CSTPP1: variants seen among roughly 807,000 people sequenced by gnomAD.
The protein encoded by CSTPP1 is centriolar satellite-associated tubulin polyglutamylase complex regulator 1.
chr11:46,969,374 C>T, the CSTPP1 span, among the ~76,000 whole-genome samples: 1 of 152,094 alleles, frequency 6.6e-6, no homozygotes, highest in Non-Finnish European at 1.5e-5. Flanking sequence ...GATATAGAAA[C>T]ATTATAAATG....
chr11:46,952,623 A>G, the CSTPP1 span, among the ~76,000 whole-genome samples: 1 of 152,210 alleles, frequency 6.6e-6, no homozygotes, highest in Non-Finnish European at 1.5e-5. Flanking sequence ...CTCTTGAAGT[A>G]CAAAGTTATT....
At chr11:47,039,270 G>A in the CSTPP1 span, among the ~76,000 whole-genome samples, 2 of 128,076 alleles carry the variant, frequency 1.6e-5, 1 homozygote, top group Non-Finnish European at 3.7e-5. Flanking sequence ...GGATGCCGAG[G>A]CTGGCGGATC....
At chr11:47,092,163 G>A in the CSTPP1 span, among the ~76,000 whole-genome samples, 1 of 152,076 alleles carries the variant, frequency 6.6e-6, no homozygotes, top group Non-Finnish European at 1.5e-5. Flanking sequence ...TAAAAGCATT[G>A]TTTCAGATAA....
chr11:46,974,266 G>A, the CSTPP1 span, among the ~76,000 whole-genome samples: 19 of 152,102 alleles, frequency 1.2e-4, no homozygotes, highest in Admixed American at 9.8e-4. Flanking sequence ...AGTGGCTCAC[G>A]CCTGTAATCC....
At chr11:46,941,434 G>A in the CSTPP1 span, among the ~76,000 whole-genome samples, 8 of 152,110 alleles carry the variant, frequency 5.3e-5, no homozygotes, top group Non-Finnish European at 7.3e-5. Context: ...CCGCCTCCAG[G>A]GTTCAAGTGA....
At chr11:47,016,987 C>A in the CSTPP1 span, among the ~76,000 whole-genome samples, 1 of 148,744 alleles carries the variant, frequency 6.7e-6, no homozygotes, top group African/African-American at 2.5e-5. Context: ...GAACTACAGG[C>A]GCCCACCACC....
chr11:46,999,060 G>C, the CSTPP1 span, among the ~76,000 whole-genome samples: 1 of 151,880 alleles, frequency 6.6e-6, no homozygotes, highest in Admixed American at 6.6e-5. Flanking sequence ...GTTTTGTATT[G>C]ATTAATAAGA....
chr11:47,122,326 T>C, the CSTPP1 span, among the ~76,000 whole-genome samples: 1 of 151,674 alleles, frequency 6.6e-6, no homozygotes, highest in African/African-American at 2.4e-5. Flanking sequence ...ATGATGATCT[T>C]TTCATCATGG....
the CSTPP1 span, among the ~76,000 whole-genome samples, chr11:46,961,389 T>G: frequency 1.3e-5 from 2 of 152,188 alleles, no homozygotes; most frequent in Non-Finnish European, 2.9e-5. Flanking sequence ...TACTCAAATC[T>G]TTTGCCTCTT....
chr11:47,038,634 AC>A, the CSTPP1 span, among the ~76,000 whole-genome samples: 1 of 97,032 alleles, frequency 1.0e-5, no homozygotes, highest in Non-Finnish European at 2.4e-5. Context: ...CGGGGGTCTG[AC>A]CCCCCCACCT....
chr11:46,981,020 A>C, the CSTPP1 span, among the ~76,000 whole-genome samples: 1 of 152,184 alleles, frequency 6.6e-6, no homozygotes, highest in Non-Finnish European at 1.5e-5. Context: ...GTAAACATGA[A>C]GATATCCTGT....
At chr11:46,940,682 T>A in the CSTPP1 span, among the ~76,000 whole-genome samples, 1 of 152,070 alleles carries the variant, frequency 6.6e-6, no homozygotes, top group African/African-American at 2.4e-5. Flanking sequence ...GACATATATA[T>A]AGAGAGAGAG....
chr11:47,000,828 T>C, the CSTPP1 span, among the ~76,000 whole-genome samples: 1 of 152,218 alleles, frequency 6.6e-6, no homozygotes, highest in African/African-American at 2.4e-5. Flanking sequence ...AAGCACTGTG[T>C]GCTAGGCACT....
At chr11:47,024,506 A>G in the CSTPP1 span, among the ~76,000 whole-genome samples, 9 of 152,296 alleles carry the variant, frequency 5.9e-5, no homozygotes, top group East Asian at 1.7e-3. Context: ...AATCAATCAC[A>G]AAAGAATATT....
the CSTPP1 span, among the ~76,000 whole-genome samples, chr11:47,058,105 A>G: frequency 6.6e-6 from 1 of 152,194 alleles, no homozygotes; most frequent in African/African-American, 2.4e-5. Flanking sequence ...AGGCCAAGGC[A>G]AGTGGATCAC....
At chr11:47,016,134 A>G in the CSTPP1 span, among the ~76,000 whole-genome samples, 1 of 152,072 alleles carries the variant, frequency 6.6e-6, no homozygotes, top group South Asian at 2.1e-4. Context: ...AACAAAGACC[A>G]CCTAGCAAAG....
At chr11:47,101,197 T>TTTTTTTTTTTTC in the CSTPP1 span, among the ~76,000 whole-genome samples, 1 of 136,820 alleles carries the variant, frequency 7.3e-6, no homozygotes, top group African/African-American at 2.8e-5. Context: ...TTTATTTTAT[T>TTTTTTTTTTTTC]TTTAGTAGAG....
chr11:46,995,201 A>G, the CSTPP1 span, among the ~76,000 whole-genome samples: 1 of 151,844 alleles, frequency 6.6e-6, no homozygotes, highest in Admixed American at 6.6e-5. Context: ...TGGTCTATCA[A>G]TTTTGTTGAT....
the CSTPP1 span, among the ~76,000 whole-genome samples, chr11:47,122,084 AAAAAAAAAT>A: frequency 6.9e-4 from 72 of 105,102 alleles, no homozygotes; most frequent in African/African-American, 2.4e-3. Context: ...AAAAAAAAAA[AAAAAAAAAT>A]ATATATATAT....
Sources: gnomAD v4.1 joint callset for allele counts (sites outside exome capture counted in the v4.1 genomes callset) on GRCh38, gnomAD v4.1.1 for gene constraint, MANE v1.5 for transcripts, NCBI Gene and HGNC (gene_info 2026-07-23, HGNC 2026-07-21) for gene names.